BTD: variants seen among roughly 807,000 people sequenced by gnomAD.
BTD encodes the protein biocytinase.
BTD carries 13 observed loss-of-function variants against 17.7 expected under a neutral mutation model. The ratio of observed to expected loss-of-function variants is 0.74; its 90% confidence interval spans 0.48 to 1.17. The LOEUF (loss-of-function observed/expected upper bound fraction) is 1.17. Among genes scored for constraint, BTD ranks in the 50% most tolerant of loss-of-function variants. The pLI is 0.00. For missense variants in BTD, 674 were observed against 650.4 expected (o/e 1.04, Z -0.39); for synonymous variants, 240 against 245.2 (o/e 0.98, Z 0.20).
At chr3:15,674,174 C>CAAAAAAAAAAAAAAAAA (rs34806568) in intron 3 of BTD, among the ~76,000 whole-genome samples, 6 of 40,282 alleles carry the variant, frequency 1.5e-4, no homozygotes, top group Non-Finnish European at 2.1e-4. Context: ...CCTGCCTCTT[C>CAAAAAAAAAAAAAAAAA]AAAAAAAAAA....
rs1477024584 is a variant in BTD, at chr3:15,605,659, G to GTT, written c.-17+3766_-17+3767dup. On this transcript the variant is annotated intron_variant, in intron 1 of 3. Transcript: ENST00000643237. ...TTTAAATGTTAGATGAGTTTTGACAGTTATATATATATATATCTATGAAAT... is the reference window on the plus strand; with the variant it reads ...TTTAAATGTTAGATGAGTTTTGACAGTTTTATATATATATATATCTATGAAAT... Among the ~76,000 whole-genome samples, 7 of 151,908 alleles carry GTT rather than the reference G, an allele frequency of 4.6e-5. No homozygotes were observed. The East Asian group carries it at 7.7e-4, about 17-fold the overall frequency.
rs748963622 is a variant in BTD at position 15,644,774 on chromosome 3, G to A, written c.858G>A (p.Leu286=). 6.2e-7 allele frequency: 1 copy of A among 1,614,146 alleles called. No homozygotes were observed. The highest frequency in any genetic ancestry group is 1.1e-5 in the South Asian group (1 of 91,076). Residue 286 remains leucine (L), a synonymous_variant, in exon 4 of 4, where the codon CTG becomes CTA. Transcript: ENST00000643237. The part of the protein sequence containing the change: ...VLAANVHHPV[L]GMTGSGIHTP... ...CAGCTAATGTCCACCACCCAGTTCT[G>A]GGGATGACAGGAAGTGGCATACACA...
At chr3:15,608,829 T>C (rs1399003086) in intron 1 of BTD, among the ~76,000 whole-genome samples, 1 of 150,650 alleles carries the variant, frequency 6.6e-6, no homozygotes, top group Non-Finnish European at 1.5e-5. Context: ...CTCGGGGGAG[T>C]GTCCCACAGG....
At chr3:15,694,895 CT>C in intron 3 of BTD, 1 of 1,316,064 alleles carries the variant, frequency 7.6e-7, no homozygotes, top group Non-Finnish European at 1.1e-6. Flanking sequence ...TCAAATCCAC[CT>C]TAGAGTATTA....
rs189542116 is a variant in BTD, at chr3:15,653,351, G to A, written c.*7863G>A. Among the ~76,000 whole-genome samples, 15 of 152,368 alleles carry A rather than the reference G, an allele frequency of 9.8e-5. No homozygotes were observed. The highest frequency in any genetic ancestry group is 1.9e-4 in the East Asian group (1 of 5,194). On this transcript the variant is annotated 3_prime_UTR_variant, in exon 4 of 4. Transcript: ENST00000643237. ...TCAGTCCTCTGAAACAGGCAAGTGT[G>A]TCCATTTTACAGAAGAAGGAACTAA...
At chr3:15,695,337 T>C (rs1306392565) in intron 3 of BTD, 2 of 687,624 alleles carry the variant, frequency 2.9e-6, no homozygotes, top group Non-Finnish European at 5.0e-6. Flanking sequence ...CTCCAAAAAA[T>C]TAGGTGTTTT....
intron 3 of BTD, among the ~76,000 whole-genome samples, chr3:15,672,345 T>C (rs998475518): frequency 4.6e-5 from 7 of 152,158 alleles, no homozygotes; most frequent in African/African-American, 1.7e-4. Flanking sequence ...TCTCGCTTTG[T>C]TCCCCAGGCT....
intron 1 of BTD, among the ~76,000 whole-genome samples, chr3:15,617,207 C>T (rs2064819294): frequency 6.6e-6 from 1 of 152,164 alleles, no homozygotes; most frequent in South Asian, 2.1e-4. Flanking sequence ...TTTTGGATAA[C>T]ATTCCTTTAT....
intron 3 of BTD, chr3:15,694,873 C>A: frequency 6.7e-7 from 1 of 1,497,356 alleles, no homozygotes; most frequent in South Asian, 1.1e-5. Context: ...TATTCTCTCC[C>A]ACCCACCCAG....
At chr3:15,664,062 T>C (rs2065953195) in intron 3 of BTD, among the ~76,000 whole-genome samples, 1 of 152,164 alleles carries the variant, frequency 6.6e-6, no homozygotes, top group South Asian at 2.1e-4. Context: ...CCACCATGCC[T>C]GGCTAATTTT....
At chr3:15,713,398 G>T, downstream of BTD, 1 of 665,092 alleles carries the variant, frequency 1.5e-6, no homozygotes, top group Non-Finnish European at 2.5e-6. Flanking sequence ...CAATACAAAA[G>T]AAAGTTCAAG....
At chr3:15,603,955 A>C (rs1368342276) in intron 1 of BTD, among the ~76,000 whole-genome samples, 1 of 152,222 alleles carries the variant, frequency 6.6e-6, no homozygotes, top group African/African-American at 2.4e-5. Context: ...TTTACAGGCT[A>C]CAACCCCCTC....
At chr3:15,692,294 AAAG>A (rs1017997322) in intron 3 of BTD, among the ~76,000 whole-genome samples, 5 of 152,072 alleles carry the variant, frequency 3.3e-5, no homozygotes, top group Admixed American at 1.3e-4. Flanking sequence ...ACAAAAAAAT[AAAG>A]AATTAGTCGG....
intron 1 of BTD, 151 bp downstream of exon 1, chr3:15,602,045 T>G: frequency 6.8e-7 from 1 of 1,475,398 alleles, no homozygotes; most frequent in Non-Finnish European, 9.0e-7. Flanking sequence ...TGGGGCTGTT[T>G]GTGCGTTGCT....
chr3:15,677,112 T>C, intron 3 of BTD: 5 of 1,367,726 alleles, frequency 3.7e-6, no homozygotes, highest in Non-Finnish European at 5.2e-6. Flanking sequence ...GATACATTTA[T>C]ACACCCAACA....
At chr3:15,692,542 A>G (rs1229851750) in intron 3 of BTD, among the ~76,000 whole-genome samples, 1 of 152,240 alleles carries the variant, frequency 6.6e-6, no homozygotes, top group Non-Finnish European at 1.5e-5. Context: ...TCCCCCCATG[A>G]TATCCTTGTA....
chr3:15,639,187 C>T (rs2065436830), intron 2 of BTD, among the ~76,000 whole-genome samples: 1 of 151,794 alleles, frequency 6.6e-6, no homozygotes, highest in Non-Finnish European at 1.5e-5. Flanking sequence ...CTCATCACAT[C>T]AGACCCAAAA....
At chr3:15,722,372 C>G (rs984058645), downstream of BTD, among the ~76,000 whole-genome samples, 1 of 152,174 alleles carries the variant, frequency 6.6e-6, no homozygotes, top group South Asian at 2.1e-4. Context: ...CAGGGAAGAA[C>G]AGTAATGTGT....
upstream of BTD, chr3:15,601,441 T>C: frequency 6.2e-7 from 1 of 1,613,674 alleles, no homozygotes; most frequent in South Asian, 1.1e-5. Flanking sequence ...CTCGCTGCGC[T>C]CTGCGAAGTT....
Sources: allele counts gnomAD v4.1 joint callset (sites outside exome capture counted in the v4.1 genomes callset), GRCh38; gene constraint gnomAD v4.1.1; transcripts MANE v1.5; gene names NCBI Gene and HGNC (gene_info 2026-07-23, HGNC 2026-07-21).